Variants in NKAIN2 observed in about 807,000 individuals in gnomAD.
NKAIN2 encodes sodium/potassium transporting ATPase interacting 2, also known as sodium/potassium-transporting ATPase subunit beta-1-interacting protein 2.
In NKAIN2, 14 loss-of-function variants were observed where a neutral mutation model predicts 32.6. The ratio of observed to expected loss-of-function variants is 0.43; its 90% CI spans 0.28 to 0.67. The LOEUF (loss-of-function observed/expected upper bound fraction) is 0.67, where lower values mean the gene tolerates loss of function less well. NKAIN2 is among the 30% of genes least tolerant of loss of function. NKAIN2 has a pLI of 0.17. For missense variants in NKAIN2, 198 were observed against 258.3 expected, an observed-to-expected ratio of 0.77 and a Z score of 1.60; for synonymous variants, 80 against 87.2, an observed-to-expected ratio of 0.92 and a Z score of 0.46.
chr6:124,429,204 A>ATTT (rs34137588), intron 3 of NKAIN2, among the ~76,000 whole-genome samples: 2 of 141,694 alleles, frequency 1.4e-5, no homozygotes, highest in African/African-American at 2.6e-5. Context: ...CTCCTGGCTA[A>ATTT]TTTTTTTTTT....
chr6:124,098,315 A>G (rs553875138), intron 1 of NKAIN2, among the ~76,000 whole-genome samples: 3 of 152,218 alleles, frequency 2.0e-5, no homozygotes. Context: ...GACAGGGATC[A>G]TGCATTATTT....
At chr6:124,706,260 G>A (rs539200581) in intron 4 of NKAIN2, among the ~76,000 whole-genome samples, 2 of 152,122 alleles carry the variant, frequency 1.3e-5, no homozygotes, top group African/African-American at 4.8e-5. Context: ...ACAAGCCTAT[G>A]AGGCCTAGGT....
At chr6:124,394,649 G>T (rs1296134618) in intron 3 of NKAIN2, among the ~76,000 whole-genome samples, 1 of 147,382 alleles carries the variant, frequency 6.8e-6, no homozygotes, top group African/African-American at 2.5e-5. Context: ...AAACCCAAAT[G>T]GCAGAAAAAA....
intron 4 of NKAIN2, among the ~76,000 whole-genome samples, chr6:124,705,746 A>G (rs2114582559): frequency 6.6e-6 from 1 of 152,258 alleles, no homozygotes; most frequent in Admixed American, 6.5e-5. Flanking sequence ...ATACTGTTAA[A>G]CCCTGAATTT....
chr6:124,587,301 C>T (rs1164832827), intron 3 of NKAIN2, among the ~76,000 whole-genome samples: 1 of 151,880 alleles, frequency 6.6e-6, no homozygotes, highest in Non-Finnish European at 1.5e-5. Flanking sequence ...GCTATCTCGG[C>T]TCAATGCAAC....
At chr6:124,046,261 A>G (rs1172050083) in intron 1 of NKAIN2, among the ~76,000 whole-genome samples, 1 of 152,022 alleles carries the variant, frequency 6.6e-6, no homozygotes, top group African/African-American at 2.4e-5. Flanking sequence ...TAAAAGAAAA[A>G]TGATCCTACC....
At chr6:124,803,184 G>C (rs1173328665) in intron 5 of NKAIN2, among the ~76,000 whole-genome samples, 1 of 152,170 alleles carries the variant, frequency 6.6e-6, no homozygotes, top group East Asian at 1.9e-4. Context: ...ACCAAGTACT[G>C]ATACCTGAGA....
At chr6:124,409,018 G>A (rs1475783378) in intron 3 of NKAIN2, among the ~76,000 whole-genome samples, 1 of 152,182 alleles carries the variant, frequency 6.6e-6, no homozygotes, top group East Asian at 1.9e-4. Flanking sequence ...GTATAAGAAT[G>A]CTTGTGATTT....
intron 1 of NKAIN2, among the ~76,000 whole-genome samples, chr6:124,209,065 A>T (rs1253154922): frequency 1.3e-5 from 2 of 151,298 alleles, no homozygotes; most frequent in Non-Finnish European, 3.0e-5. Flanking sequence ...GATCATAACC[A>T]TTCTCCCTAA....
chr6:124,478,117 T>A (rs1777303423), intron 3 of NKAIN2, among the ~76,000 whole-genome samples: 1 of 152,062 alleles, frequency 6.6e-6, no homozygotes, highest in Non-Finnish European at 1.5e-5. Flanking sequence ...CCTCTCAAAA[T>A]GGTTGCCCTT....
intron 1 of NKAIN2, among the ~76,000 whole-genome samples, chr6:124,209,972 A>C (rs1048037341): frequency 1.3e-5 from 2 of 150,458 alleles, no homozygotes; most frequent in Non-Finnish European, 1.5e-5. Context: ...CCATTTGTTC[A>C]TTTTTCCTTT....
At chr6:124,034,295 T>C (rs960491852) in intron 1 of NKAIN2, among the ~76,000 whole-genome samples, 1 of 151,940 alleles carries the variant, frequency 6.6e-6, no homozygotes, top group Non-Finnish European at 1.5e-5. Flanking sequence ...TCCCTCCCTC[T>C]TATGGAGTCC....
intron 5 of NKAIN2, among the ~76,000 whole-genome samples, chr6:124,805,375 C>A (rs542928376): frequency 2.3e-4 from 35 of 152,312 alleles, no homozygotes; most frequent in Admixed American, 2.1e-3. Flanking sequence ...GACACCCAGG[C>A]AAACAGGGTC....
At chr6:124,563,172 G>A (rs1260118520) in intron 3 of NKAIN2, among the ~76,000 whole-genome samples, 2 of 152,012 alleles carry the variant, frequency 1.3e-5, no homozygotes, top group African/African-American at 4.8e-5. Flanking sequence ...CCAATGTGCT[G>A]GGATTACAGG....
chr6:124,061,527 G>A lies in NKAIN2; in HGVS notation c.55-221478G>A, dbSNP rs149196227. On this transcript the variant is annotated intron_variant, in intron 1 of 6. Coordinates refer to ENST00000368417, the MANE Select transcript of NKAIN2 (RefSeq NM_001040214.3). ...TGATGGAAACTTTCTTACACTATGA[G>A]TGTCTTATGAAAAGGCAAGAAGTCT... Among the ~76,000 whole-genome samples, 1,314 of 152,222 alleles carry A rather than the reference G, an allele frequency of 8.6e-3. 17 individuals are homozygous for A. The highest frequency in any genetic ancestry group is 0.03 in the African/African-American group (1,250 of 41,546).
chr6:123,992,635 A>G (rs1295106999), intron 1 of NKAIN2, among the ~76,000 whole-genome samples: 2 of 152,352 alleles, frequency 1.3e-5, no homozygotes, highest in African/African-American at 2.4e-5. Flanking sequence ...ATATAAACCT[A>G]TAAAAAGGTA....
chr6:124,646,698 C>T (rs1784181720), intron 3 of NKAIN2, among the ~76,000 whole-genome samples: 1 of 152,128 alleles, frequency 6.6e-6, no homozygotes, highest in African/African-American at 2.4e-5. Context: ...CACCTGTAAT[C>T]CCAGCAGTTT....
chr6:124,382,965 G>A (rs1033408973), intron 3 of NKAIN2, among the ~76,000 whole-genome samples: 17 of 152,234 alleles, frequency 1.1e-4, no homozygotes, highest in Middle Eastern at 6.8e-3. Flanking sequence ...CAAGTTACTG[G>A]TCCTTACCAC....
intron 4 of NKAIN2, among the ~76,000 whole-genome samples, chr6:124,685,702 C>T (rs1773837565): frequency 6.6e-6 from 1 of 152,154 alleles, no homozygotes. Context: ...GTCCAACTTT[C>T]TCATGTTATG....
Sources: gnomAD v4.1 joint callset for allele counts (sites outside exome capture counted in the v4.1 genomes callset) on GRCh38, gnomAD v4.1.1 for gene constraint, MANE v1.5 for transcripts, NCBI Gene and HGNC (gene_info 2026-07-23, HGNC 2026-07-21) for gene names.